The following TERB1 variants were observed in gnomAD, a reference collection of about 807,000 sequenced individuals.
TERB1 encodes the protein telomere repeats-binding bouquet formation protein 1.
TERB1 carries 63 observed loss-of-function variants against 92.3 expected under a neutral mutation model. The observed-to-expected ratio is 0.68, with a 90% CI of 0.56 to 0.84. The LOEUF is 0.84. TERB1 is among the 40% of genes least tolerant of loss of function. TERB1 has a pLI of 0.00. For synonymous variants in TERB1, 252 were observed against 283.9 expected (o/e 0.89, Z 1.13); for missense variants, 709 against 843.7 (o/e 0.84, Z 1.98).
At chr16:66,800,395 T>TTTG (rs1959240764) in intron 2 of TERB1, among the ~76,000 whole-genome samples, 1 of 105,050 alleles carries the variant, frequency 9.5e-6, no homozygotes, top group Admixed American at 8.1e-5. Context: ...AAAGAAAGTT[T>TTTG]TTTTTTTTTT....
At chr16:66,764,566 G>A (rs1235584529) in intron 16 of TERB1, among the ~76,000 whole-genome samples, 1 of 152,202 alleles carries the variant, frequency 6.6e-6, no homozygotes, top group Non-Finnish European at 1.5e-5. Context: ...TAAGTTAACA[G>A]TGATATGCAT....
At chr16:66,767,605 G>A (rs2018369863) in intron 15 of TERB1, 95 bp from the exon 16 acceptor site, 1 of 625,136 alleles carries the variant, frequency 1.6e-6, no homozygotes, top group Non-Finnish European at 2.8e-6. Flanking sequence ...ATAAACCTTA[G>A]CCTAGTACTA....
intron 12 of TERB1, among the ~76,000 whole-genome samples, chr16:66,774,793 A>G (rs974525218): frequency 1.3e-5 from 2 of 151,542 alleles, no homozygotes; most frequent in Non-Finnish European, 2.9e-5. Flanking sequence ...CTGAGCTCAG[A>G]TGATCCTTCT....
chr16:66,762,222 A>G (rs2018263812), intron 16 of TERB1, among the ~76,000 whole-genome samples: 1 of 152,200 alleles, frequency 6.6e-6, no homozygotes, highest in African/African-American at 2.4e-5. Flanking sequence ...CCCAGCTTCA[A>G]TAATTATTAA....
At chr16:66,777,555 A>G (rs1243076908) in intron 10 of TERB1, among the ~76,000 whole-genome samples, 4 of 152,046 alleles carry the variant, frequency 2.6e-5, no homozygotes, top group Non-Finnish European at 5.9e-5. Flanking sequence ...AACCCTCATT[A>G]CTCTTTCTTC....
chr16:66,798,388 C>T (rs548497765), intron 2 of TERB1, among the ~76,000 whole-genome samples: 30 of 152,050 alleles, frequency 2.0e-4, no homozygotes, highest in Non-Finnish European at 3.7e-4. Context: ...TGCTATGTTG[C>T]CCAGACTGGT....
intron 16 of TERB1, among the ~76,000 whole-genome samples, chr16:66,760,130 C>CAAA (rs148772308): frequency 1.7e-4 from 4 of 23,370 alleles, no homozygotes; most frequent in Non-Finnish European, 2.0e-4. Context: ...GACTCCATCT[C>CAAA]AAAAAAAAAA....
chr16:66,764,396 A>C (rs927581877), intron 16 of TERB1, among the ~76,000 whole-genome samples: 2 of 152,236 alleles, frequency 1.3e-5, no homozygotes, highest in African/African-American at 4.8e-5. Flanking sequence ...GCACATTTCT[A>C]GCAGATTCAG....
At chr16:66,765,567 C>G (rs1034280565) in intron 16 of TERB1, among the ~76,000 whole-genome samples, 6 of 151,828 alleles carry the variant, frequency 4.0e-5, no homozygotes, top group African/African-American at 1.5e-4. Flanking sequence ...AAGCAATTCT[C>G]CTGTCTCAGC....
intron 2 of TERB1, among the ~76,000 whole-genome samples, chr16:66,798,980 A>G (rs1959216514): frequency 6.6e-6 from 1 of 152,238 alleles, no homozygotes; most frequent in South Asian, 2.1e-4. Context: ...AGAAAATTTC[A>G]GGCTAGGGCC....
At chr16:66,785,454 G>T (rs1046420605) in intron 9 of TERB1, among the ~76,000 whole-genome samples, 1 of 151,930 alleles carries the variant, frequency 6.6e-6, no homozygotes, top group Non-Finnish European at 1.5e-5. Context: ...CAGATATTTG[G>T]GGCTTTTCTA....
At position 66,788,779 on chromosome 16, in the gene TERB1, C is replaced by T. The variant is rs193232137; in HGVS notation, c.272-482G>A. ...GATAGTTTTTGTGTGTGTGTGATAA[C>T]GCAACAAGCAGAATTTTACAAAAAT... On this transcript the variant is annotated intron_variant, in intron 5 of 18. Transcript: ENST00000433154. Among the ~76,000 whole-genome samples the T allele has an allele frequency of 1.3e-3, 195 of 151,866 alleles. 1 individual carries two copies. Among genetic ancestry groups the T allele is most frequent in the Admixed American group, 4.8e-3 (74 of 15,258 alleles).
chr16:66,782,601 G>A (rs545981031), intron 9 of TERB1, among the ~76,000 whole-genome samples: 22 of 150,146 alleles, frequency 1.5e-4, no homozygotes, highest in African/African-American at 3.4e-4. Context: ...CCAAAGCCAC[G>A]CTTTCTTGAT....
chr16:66,784,562 C>G (rs9922423), intron 9 of TERB1, among the ~76,000 whole-genome samples: 76,724 of 151,374 alleles, frequency 0.51, 20,304 homozygotes, highest in African/African-American at 0.64. Context: ...TGGAACTCCT[C>G]ACCTCAAGTG....
chr16:66,799,124 A>G (rs1181252830), intron 2 of TERB1, among the ~76,000 whole-genome samples: 1 of 152,248 alleles, frequency 6.6e-6, no homozygotes, highest in Non-Finnish European at 1.5e-5. Flanking sequence ...TTGTTATCAT[A>G]TATGGATGTT....
chr16:66,759,235 G>A lies in TERB1; in HGVS notation c.1836C>T (p.His612=). The change falls in exon 17 of 19, where the codon CAC becomes CAT. Residue 612 remains histidine, a synonymous_variant. Transcript: ENST00000433154. ...LNSRNFSKLL[H]SCPYQCDRHK... is the part of the protein sequence containing the mutation. ...GACGATCACATTGGTATGGGCAAGA[G>A]TGCAAGAGCTTGCTAAAGTTTCGGC... 2 of 1,549,294 alleles carry A rather than the reference G, an allele frequency of 1.3e-6. No individual in the cohort carries two copies. Among genetic ancestry groups the A allele is most frequent in the Non-Finnish European group, 1.7e-6 (2 of 1,146,294 alleles).
chr16:66,773,166 T>TAA (rs34191234), intron 12 of TERB1, among the ~76,000 whole-genome samples: 2,036 of 129,110 alleles, frequency 0.016, 47 homozygotes, highest in South Asian at 0.094. Flanking sequence ...CCACCTCTAC[T>TAA]AAAAAAAAAA....
At chr16:66,757,466 T>C (rs363178) in intron 18 of TERB1, among the ~76,000 whole-genome samples, 125 of 152,338 alleles carry the variant, frequency 8.2e-4, no homozygotes, top group African/African-American at 2.9e-3. Context: ...GAACAAGATC[T>C]CCAAGTGCAT....
intron 12 of TERB1, 127 bp from the exon 13 acceptor site, chr16:66,772,876 G>C: frequency 1.5e-6 from 1 of 683,050 alleles, no homozygotes; most frequent in Admixed American, 3.2e-5. Context: ...CAGCTTAATT[G>C]GTACTGAAAA....
Sources: gnomAD v4.1 joint callset for allele counts (sites outside exome capture counted in the v4.1 genomes callset) on GRCh38, gnomAD v4.1.1 for gene constraint, MANE v1.5 for transcripts, NCBI Gene and HGNC (gene_info 2026-07-23, HGNC 2026-07-21) for gene names.